The following LIMK2 variants were observed in gnomAD, a reference collection of about 807,000 sequenced individuals.
The protein encoded by LIMK2 is LIM domain kinase 2.
A neutral mutation model predicts 75.7 loss-of-function variants in LIMK2; 35 were observed. The ratio of observed to expected loss-of-function variants is 0.46; its 90% CI spans 0.35 to 0.61. LIMK2 has a LOEUF of 0.61. Among genes scored for constraint, LIMK2 ranks in the 20% least tolerant of loss-of-function variants. The pLI is 0.00. For synonymous variants in LIMK2, 301 were observed against 319.2 expected, an observed-to-expected ratio of 0.94 and a Z score of 0.61; for missense variants, 623 against 831.0, an observed-to-expected ratio of 0.75 and a Z score of 3.08.
intron 7 of LIMK2, among the ~76,000 whole-genome samples, chr22:31,264,496 G>A (rs1479209112): frequency 2.0e-5 from 3 of 152,242 alleles, no homozygotes; most frequent in Non-Finnish European, 4.4e-5. Context: ...AACAGTCATT[G>A]ACCATGACTA....
chr22:31,279,329 C>G lies in LIMK2; in HGVS notation c.*888C>G, dbSNP rs1480735190. The G allele has an allele frequency of 1.3e-5, 2 of 152,236 alleles. No individual in the cohort carries two copies. The highest frequency in any genetic ancestry group is 2.9e-5 in the Non-Finnish European group (2 of 68,068). 9.4% of individuals were successfully genotyped at this position (152,236 alleles called of 1,614,324 possible). A position where few individuals can be genotyped will look rare whatever the true frequency, so the allele number is the denominator to read the frequency against. Reference sequence around the variant, plus strand: ...CATTTTGCCTAAAGCTCGATGGGTTCTGGAGGACAGTGTGGCTTGTCACAG... The same window carrying G: ...CATTTTGCCTAAAGCTCGATGGGTTGTGGAGGACAGTGTGGCTTGTCACAG... On this transcript the variant is annotated 3_prime_UTR_variant, in exon 16 of 16. Transcript: ENST00000331728.
chr22:31,221,278 T>C (rs906810461), intron 1 of LIMK2, among the ~76,000 whole-genome samples: 4 of 152,132 alleles, frequency 2.6e-5, no homozygotes, highest in Admixed American at 2.0e-4. Flanking sequence ...TGAGAAGTTT[T>C]TGTTCCTGCC....
At chr22:31,258,146 T>C (rs1348906332) in intron 2 of LIMK2, 145 bp from the exon 3 acceptor site, 4 of 768,266 alleles carry the variant, frequency 5.2e-6, no homozygotes, top group African/African-American at 5.2e-5. Flanking sequence ...CTTGGGGAGA[T>C]AGCACAAGGC....
chr22:31,225,863 C>A, intron 2 of LIMK2, 44 bp downstream of exon 2: 1 of 1,347,658 alleles, frequency 7.4e-7, no homozygotes, highest in Non-Finnish European at 1.1e-6. Flanking sequence ...TACTATGGGC[C>A]AAGCACTATT....
chr22:31,246,120 C>CCTGGG (rs2048665469), intron 2 of LIMK2, among the ~76,000 whole-genome samples: 1 of 150,578 alleles, frequency 6.6e-6, no homozygotes, highest in Non-Finnish European at 1.5e-5. Context: ...TTGCAGTGAG[C>CCTGGG]CAAGATCGCG....
intron 2 of LIMK2, among the ~76,000 whole-genome samples, chr22:31,234,793 C>T (rs1020632744): frequency 6.6e-6 from 1 of 151,698 alleles, no homozygotes; most frequent in African/African-American, 2.4e-5. Context: ...CCTCTCTCCA[C>T]ATCTCCACAA....
chr22:31,249,882 C>G (rs1220245347), intron 2 of LIMK2, among the ~76,000 whole-genome samples: 2 of 152,218 alleles, frequency 1.3e-5, no homozygotes, highest in African/African-American at 4.8e-5. Context: ...ACCAAGCGCC[C>G]TGCTAGACAC....
At chr22:31,253,633 C>T (rs983179047) in intron 2 of LIMK2, among the ~76,000 whole-genome samples, 10 of 152,222 alleles carry the variant, frequency 6.6e-5, no homozygotes, top group African/African-American at 2.2e-4. Context: ...TGTCTCACTC[C>T]GGTGACATAG....
At position 31,262,928 on chromosome 22, in the gene LIMK2, C is replaced by CTGCCCCTG. The variant is rs2048855901; in HGVS notation, c.854+140_854+147dup. 2.5e-6 allele frequency: 2 copies of CTGCCCCTG among 797,446 alleles called. No homozygotes were observed. The highest frequency in any genetic ancestry group is 3.3e-5 in the Admixed American group (1 of 30,034). The allele number at this position is 797,446 out of a possible 1,614,324, so 49.4% of individuals were successfully genotyped here. A position where few individuals can be genotyped will look rare whatever the true frequency, so the allele number is the denominator to read the frequency against. ...GACTATGAGGATTGTGCTGACCCAG[C>CTGCCCCTG]TGCCCCTGTGGGGATCACAGTTTAC... On this transcript the variant is annotated intron_variant, in intron 7 of 15. Transcript: ENST00000331728. The surrounding 1 kb of genome is among the most constrained non-coding windows in gnomAD (Gnocchi z 5.0).
intron 2 of LIMK2, among the ~76,000 whole-genome samples, chr22:31,250,798 C>A (rs1014775557): frequency 1.3e-5 from 2 of 152,162 alleles, no homozygotes; most frequent in Non-Finnish European, 2.9e-5. Flanking sequence ...TCAGTTTCAT[C>A]CTTGGCAGAA....
At chr22:31,251,871 T>TC (rs1419747435) in intron 2 of LIMK2, among the ~76,000 whole-genome samples, 1 of 152,074 alleles carries the variant, frequency 6.6e-6, no homozygotes, top group Non-Finnish European at 1.5e-5. Flanking sequence ...CCAGGTGCCC[T>TC]CAGGCTGTGG....
In LIMK2 at chr22:31,225,865, A is replaced by G. The variant is rs1226225798; in HGVS notation, c.116+46A>G. The G allele has an allele frequency of 3.7e-6, 5 of 1,346,256 alleles. No homozygotes were observed. The African/African-American group carries it at 5.8e-5, about 16-fold the overall frequency. 83.4% of individuals were successfully genotyped at this position (1,346,256 alleles called of 1,614,324 possible). ...ATCTTTACCAGTGTACTATGGGCCA[A>G]GCACTATTTCATGTTCTGATGGAAA... On this transcript the variant is annotated intron_variant, in intron 2 of 15. Coordinates refer to ENST00000331728, the MANE Select transcript of LIMK2 (RefSeq NM_005569.4).
intron 2 of LIMK2, among the ~76,000 whole-genome samples, chr22:31,246,164 C>A (rs1415799527): frequency 1.4e-5 from 2 of 146,520 alleles, no homozygotes; most frequent in Admixed American, 6.9e-5. Context: ...CAGAGCGAGA[C>A]TCCGACACAC....
intron 1 of LIMK2, among the ~76,000 whole-genome samples, chr22:31,213,586 G>C (rs1490591192): frequency 2.0e-5 from 3 of 152,168 alleles, no homozygotes; most frequent in Non-Finnish European, 1.5e-5. Flanking sequence ...CTTCTGGAGA[G>C]AGCTAGGGGT....
intron 3 of LIMK2, 75 bp from the exon 4 acceptor site, chr22:31,259,046 C>T: frequency 1.2e-6 from 1 of 834,680 alleles, no homozygotes; most frequent in East Asian, 2.5e-5. Flanking sequence ...TCACCCACCC[C>T]TGTCCTCACT....
intron 2 of LIMK2, among the ~76,000 whole-genome samples, chr22:31,243,753 A>C (rs1471986445): frequency 6.6e-6 from 1 of 152,192 alleles, no homozygotes; most frequent in African/African-American, 2.4e-5. Flanking sequence ...AGCTGCTCTG[A>C]GGACCTAGAA....
intron 2 of LIMK2, among the ~76,000 whole-genome samples, chr22:31,243,336 C>T (rs1259086857): frequency 6.6e-6 from 1 of 152,144 alleles, no homozygotes; most frequent in Non-Finnish European, 1.5e-5. Context: ...GCTTACCTTT[C>T]AGTATTTGGA....
At chr22:31,268,024 G>T in intron 10 of LIMK2, 117 bp downstream of exon 10, 1 of 1,538,106 alleles carries the variant, frequency 6.5e-7, no homozygotes, top group South Asian at 1.1e-5. Flanking sequence ...AAAGGACCAT[G>T]CTGGGTGGGA....
Position 31,275,132 on chromosome 22 carries a change from C to T in LIMK2, c.1615-19C>T, listed in dbSNP as rs768719302. 6.2e-7 allele frequency: 1 copy of T among 1,613,452 alleles called. No homozygotes were observed. The highest frequency in any genetic ancestry group is 1.1e-5 in the South Asian group (1 of 91,060). On this transcript the variant is annotated intron_variant, in intron 14 of 15. Transcript: ENST00000331728. ...GGCCTCTGTAGTCCTTTGTAAACAG[C>T]TGTCTTCTTACCCTACAGATCATTG...
Sources: gnomAD v4.1 joint callset for allele counts (sites outside exome capture counted in the v4.1 genomes callset) on GRCh38, gnomAD v4.1.1 for gene constraint, Gnocchi (gnomAD v3.1) non-coding constraint, MANE v1.5 for transcripts, NCBI Gene and HGNC (gene_info 2026-07-23, HGNC 2026-07-21) for gene names.